CNTNAP2: variants seen among roughly 807,000 people sequenced by gnomAD.
CNTNAP2 encodes contactin-associated protein-like 2.
Under a neutral mutation model 155.2 loss-of-function variants are expected in CNTNAP2, and 98 were observed. That is an observed-to-expected ratio of 0.63 (90% CI 0.54 to 0.75). The LOEUF (loss-of-function observed/expected upper bound fraction) is 0.75. CNTNAP2 is among the 30% of genes least tolerant of loss of function. The pLI is 0.00. For missense variants in CNTNAP2, 1,727 were observed against 1,688.1 expected, an observed-to-expected ratio of 1.02 and a Z score of -0.40; for synonymous variants, 651 against 631.2, an observed-to-expected ratio of 1.03 and a Z score of -0.47.
At chr7:147,383,019 C>T (rs540568476) in intron 9 of CNTNAP2, among the ~76,000 whole-genome samples, 2 of 151,580 alleles carry the variant, frequency 1.3e-5, no homozygotes, top group East Asian at 3.9e-4. Flanking sequence ...TTCCTGAGGA[C>T]AAAAGCAATA....
chr7:148,374,165 T>C (rs1798939815), intron 21 of CNTNAP2, among the ~76,000 whole-genome samples: 1 of 152,188 alleles, frequency 6.6e-6, no homozygotes. Flanking sequence ...TCGTGATGTT[T>C]ATGCATTCAT....
intron 1 of CNTNAP2, among the ~76,000 whole-genome samples, chr7:146,129,474 C>A (rs562179880): frequency 6.6e-5 from 10 of 152,128 alleles, no homozygotes; most frequent in Non-Finnish European, 1.2e-4. Flanking sequence ...ATGCTAGCTA[C>A]TCAAGCATTT....
At chr7:147,555,337 C>T (rs1372098428) in intron 11 of CNTNAP2, among the ~76,000 whole-genome samples, 1 of 152,110 alleles carries the variant, frequency 6.6e-6, no homozygotes, top group Non-Finnish European at 1.5e-5. Flanking sequence ...CATGAAAAGG[C>T]TTCTTTATCC....
chr7:147,067,910 G>A (rs1799813844), intron 4 of CNTNAP2, among the ~76,000 whole-genome samples: 1 of 152,182 alleles, frequency 6.6e-6, no homozygotes, highest in South Asian at 2.1e-4. Context: ...CCTTAGAACA[G>A]ACATTTATTA....
At chr7:147,402,374 C>T (rs1796931539) in intron 10 of CNTNAP2, among the ~76,000 whole-genome samples, 2 of 152,146 alleles carry the variant, frequency 1.3e-5, no homozygotes, top group Admixed American at 1.3e-4. Context: ...GTCCCTGCCA[C>T]CCACTGTCAT....
chr7:148,143,215 TC>T (rs998817223), intron 16 of CNTNAP2, among the ~76,000 whole-genome samples: 1 of 152,190 alleles, frequency 6.6e-6, no homozygotes, highest in Non-Finnish European at 1.5e-5. Flanking sequence ...GATATAATCC[TC>T]ACTTTGGACC....
intron 20 of CNTNAP2, among the ~76,000 whole-genome samples, chr7:148,259,773 G>A (rs1796523185): frequency 6.6e-6 from 1 of 152,218 alleles, no homozygotes; most frequent in Non-Finnish European, 1.5e-5. Context: ...AATAATACCT[G>A]AATAGACGTT....
At chr7:147,100,741 G>C (rs1044034115) in intron 4 of CNTNAP2, among the ~76,000 whole-genome samples, 5 of 152,174 alleles carry the variant, frequency 3.3e-5, no homozygotes, top group African/African-American at 1.2e-4. Context: ...TAATAACACA[G>C]TGGAATTCTC....
chr7:147,774,245 T>C (rs749102143), intron 13 of CNTNAP2, among the ~76,000 whole-genome samples: 4 of 152,170 alleles, frequency 2.6e-5, no homozygotes, highest in Non-Finnish European at 4.4e-5. Flanking sequence ...ATTTTTGTCA[T>C]TTTTGTTTAT....
chr7:147,904,101 C>T (rs369479737), intron 14 of CNTNAP2, among the ~76,000 whole-genome samples: 7 of 152,154 alleles, frequency 4.6e-5, no homozygotes, highest in African/African-American at 1.4e-4. Flanking sequence ...GCGGGGAGCA[C>T]AACCACCTCC....
At chr7:146,934,377 T>G (rs1407696284) in intron 3 of CNTNAP2, among the ~76,000 whole-genome samples, 1 of 139,400 alleles carries the variant, frequency 7.2e-6, no homozygotes. Flanking sequence ...CACTCATAGA[T>G]GGGAATTGAA....
At chr7:146,728,284 T>A (rs1031567993) in intron 1 of CNTNAP2, among the ~76,000 whole-genome samples, 6 of 152,046 alleles carry the variant, frequency 3.9e-5, no homozygotes, top group African/African-American at 1.4e-4. Flanking sequence ...TCTGACCAGG[T>A]CTGTCAAGAT....
At chr7:146,414,388 G>GC (rs1284788842) in intron 1 of CNTNAP2, among the ~76,000 whole-genome samples, 1 of 152,014 alleles carries the variant, frequency 6.6e-6, no homozygotes, top group Non-Finnish European at 1.5e-5. Flanking sequence ...GTTGAGAAGT[G>GC]CCCCATGAGT....
At chr7:147,240,307 A>C (rs1803907484) in intron 8 of CNTNAP2, among the ~76,000 whole-genome samples, 2 of 152,194 alleles carry the variant, frequency 1.3e-5, no homozygotes, top group Non-Finnish European at 2.9e-5. Context: ...CTTGGGTGAT[A>C]GATGGAGACC....
intron 8 of CNTNAP2, among the ~76,000 whole-genome samples, chr7:147,197,798 T>A (rs1390340111): frequency 6.6e-6 from 1 of 152,246 alleles, no homozygotes; most frequent in African/African-American, 2.4e-5. Context: ...TTCTAAGATA[T>A]CTTTATGAAA....
chr7:148,024,631 G>A (rs750781835), intron 15 of CNTNAP2, among the ~76,000 whole-genome samples: 1 of 152,126 alleles, frequency 6.6e-6, no homozygotes, highest in Non-Finnish European at 1.5e-5. Context: ...CTAATGTTTA[G>A]CTTTCTTCTA....
intron 12 of CNTNAP2, 48 bp from the exon 13 acceptor site, chr7:147,639,058 C>T (rs200552774): frequency 3.5e-4 from 538 of 1,559,204 alleles, no homozygotes; most frequent in African/African-American, 5.4e-4. Flanking sequence ...TTTGGAGAAG[C>T]ATTTGCATAC....
At chr7:148,303,177 A>T (rs920769214) in intron 21 of CNTNAP2, among the ~76,000 whole-genome samples, 2 of 152,180 alleles carry the variant, frequency 1.3e-5, no homozygotes, top group Non-Finnish European at 2.9e-5. Flanking sequence ...TGAAAATACT[A>T]ATAGAACAAA....
intron 20 of CNTNAP2, among the ~76,000 whole-genome samples, chr7:148,253,871 A>T (rs1444080412): frequency 1.3e-5 from 2 of 151,932 alleles, no homozygotes; most frequent in Non-Finnish European, 2.9e-5. Flanking sequence ...CGGTTTCAGG[A>T]CCCCCAAGTA....
Sources: gnomAD v4.1 joint callset for allele counts (sites outside exome capture counted in the v4.1 genomes callset) on GRCh38, gnomAD v4.1.1 for gene constraint, MANE v1.5 for transcripts, NCBI Gene and HGNC (gene_info 2026-07-23, HGNC 2026-07-21) for gene names.